PFKL: variants seen among roughly 807,000 people sequenced by gnomAD.
The protein encoded by PFKL is ATP-dependent 6-phosphofructokinase, liver type.
PFKL carries 74 observed loss-of-function variants against 92.1 expected under a neutral mutation model. That is an observed-to-expected ratio of 0.80 (90% CI 0.67 to 0.97). PFKL has a LOEUF of 0.97. PFKL is among the 50% of genes least tolerant of loss of function. PFKL has a pLI of 0.00. For synonymous variants in PFKL, 494 were observed against 456.4 expected (o/e 1.08, Z -1.05); for missense variants, 1,028 against 1,116.6 (o/e 0.92, Z 1.13).
Position 44,318,513 on chromosome 21 carries a change from CCACGCCTGA to C in PFKL, c.987_995del (p.Asp330_Pro332del), listed in dbSNP as rs1382960420. On this transcript the variant is annotated inframe_deletion, in exon 10 of 22. Coordinates refer to ENST00000349048, the MANE Select transcript of PFKL (RefSeq NM_002626.6). Reference sequence around the variant, plus strand: ...GAGGCGGTGATGGCGCTGCTGGAAGCCACGCCTGACACGCCGGCCTGCGTGGTCACCCTC... The same window carrying C: ...GAGGCGGTGATGGCGCTGCTGGAAGCCACGCCGGCCTGCGTGGTCACCCTC... The C allele has an allele frequency of 3.2e-6, 5 of 1,575,990 alleles. No individual in the cohort carries two copies. The highest frequency in any genetic ancestry group is 3.5e-6 in the Non-Finnish European group (4 of 1,155,720).
intron 9 of PFKL, among the ~76,000 whole-genome samples, chr21:44,317,140 G>A (rs1395130730): frequency 1.3e-5 from 2 of 152,232 alleles, no homozygotes; most frequent in East Asian, 3.9e-4. Context: ...GAGCCAAATG[G>A]AGTGGGTCTG....
At chr21:44,306,265 G>A (rs1291759928) in intron 1 of PFKL, among the ~76,000 whole-genome samples, 1 of 152,154 alleles carries the variant, frequency 6.6e-6, no homozygotes, top group Non-Finnish European at 1.5e-5. Context: ...TGTGGAGTTC[G>A]GGACACCCAC....
rs144111226 is a variant in PFKL at position 44,313,051 on chromosome 21, C to T, written c.501C>T (p.Asn167=). The T allele has an allele frequency of 1.5e-5, 25 of 1,613,092 alleles. 1 individual carries two copies. Among genetic ancestry groups the T allele is most frequent in the Middle Eastern group, 1.6e-4 (1 of 6,082 alleles). ...NIAGLVGSID[N]DFCGTDMTIG... is the part of the protein sequence containing the mutation. Reference sequence around the variant, plus strand: ...CGGGCCTAGTGGGCTCCATCGATAACGACTTCTGCGGCACCGACATGACCA... The same window carrying T: ...CGGGCCTAGTGGGCTCCATCGATAATGACTTCTGCGGCACCGACATGACCA... Residue 167 remains asparagine, a synonymous_variant, in exon 5 of 22, where the codon AAC becomes AAT. Coordinates refer to ENST00000349048, the MANE Select transcript of PFKL (RefSeq NM_002626.6).
rs1315811759 is a variant in PFKL, at chr21:44,316,181, G to T, written c.748-63G>T. On this transcript the variant is annotated intron_variant, in intron 7 of 21. Coordinates refer to ENST00000349048, the MANE Select transcript of PFKL (RefSeq NM_002626.6). ...CCCCAGGGAGGGCTCCTGGCACCCG[G>T]GGGCTGTGTCCGGGGCAGGTTTCCC... 4 of 1,508,612 alleles carry T rather than the reference G, an allele frequency of 2.7e-6. No homozygotes were observed. In the African/African-American group the frequency reaches 5.5e-5, roughly 21 times the overall value. The allele number at this position is 1,508,612 out of a possible 1,614,324, so 93.5% of individuals were successfully genotyped here. A position where few individuals can be genotyped will look rare whatever the true frequency, so the allele number is the denominator to read the frequency against.
Position 44,326,719 on chromosome 21 carries a change from C to T in PFKL, c.2200C>T (p.Arg734Cys), listed in dbSNP as rs1453469320. Residue 734 changes from arginine (R) to cysteine (C), a missense_variant, in exon 22 of 22, where the codon CGC becomes TGC. By Grantham distance (180) the Arg-to-Cys change is radical. Coordinates refer to ENST00000349048, the MANE Select transcript of PFKL (RefSeq NM_002626.6). ...TCCCATCCCCGTCCTGCACAGGCACCGCATGCCACGGGAGCAGTGGTGGCT... is the reference window on the plus strand; with the variant it reads ...TCCCATCCCCGTCCTGCACAGGCACTGCATGCCACGGGAGCAGTGGTGGCT... ...ELKKDTDFEH[R>C]MPREQWWLSL... 4 of 1,611,754 alleles carry T rather than the reference C, an allele frequency of 2.5e-6. No individual in the cohort carries two copies. Among genetic ancestry groups the T allele is most frequent in the South Asian group, 1.1e-5 (1 of 90,718 alleles).
intron 1 of PFKL, among the ~76,000 whole-genome samples, chr21:44,306,102 C>CCGCGCCG (rs1309292576): frequency 0.052 from 7,834 of 152,050 alleles, 744 homozygotes; most frequent in African/African-American, 0.18. Flanking sequence ...TTCTCCATCC[C>CCGCGCCG]CACGCCGCAG....
In PFKL at chr21:44,313,972, C is replaced by T. The variant is rs766416837; in HGVS notation, c.698C>T (p.Ala233Val). ...GCCGACTGGCTGTTCATCCCCGAGGCTCCACCCGAGGACGGCTGGGAGAAC... is the reference window on the plus strand; with the variant it reads ...GCCGACTGGCTGTTCATCCCCGAGGTTCCACCCGAGGACGGCTGGGAGAAC... ...SGADWLFIPE[A>V]PPEDGWENFM... Residue 233 changes from alanine to valine, a missense_variant, in exon 7 of 22, where the codon GCT becomes GTT. Ala to Val is a moderately conservative substitution (Grantham distance 64). Transcript: ENST00000349048. The T allele has an allele frequency of 3.1e-6, 5 of 1,608,472 alleles. No homozygotes were observed. The highest frequency in any genetic ancestry group is 4.5e-5 in the East Asian group (2 of 44,734).
At position 44,310,561 on chromosome 21, in the gene PFKL, G is replaced by A. The variant is rs986430586; in HGVS notation, c.160-445G>A. Among the ~76,000 whole-genome samples the A allele has an allele frequency of 9.2e-5, 14 of 152,318 alleles. No individual in the cohort carries two copies. The East Asian group carries it at 1.5e-3, about 17-fold the overall frequency. On this transcript the variant is annotated intron_variant, in intron 2 of 21. Coordinates refer to ENST00000349048, the MANE Select transcript of PFKL (RefSeq NM_002626.6). ...GCACGCGCCGCACACCCCGCCGGCC[G>A]CATGCCTGGGAGGACTCCAGTGGGG...
chr21:44,313,322 C>T (rs909950740), intron 5 of PFKL, among the ~76,000 whole-genome samples, 179 bp downstream of exon 5: 2 of 152,208 alleles, frequency 1.3e-5, no homozygotes, highest in South Asian at 2.1e-4. Context: ...CCCACTCTGC[C>T]AGGCCGCGGG....
chr21:44,309,028 T>G (rs1473080553), intron 2 of PFKL, among the ~76,000 whole-genome samples: 1 of 152,098 alleles, frequency 6.6e-6, no homozygotes, highest in African/African-American at 2.4e-5. Flanking sequence ...CCAGCAGCTA[T>G]GGGCTTTAGG....
At chr21:44,308,587 A>G in intron 2 of PFKL, among the ~76,000 whole-genome samples, 1 of 136,936 alleles carries the variant, frequency 7.3e-6, no homozygotes. Context: ...TTTGAGACAG[A>G]GTCTCATTCT....
At chr21:44,305,992 C>T (rs867500732) in intron 1 of PFKL, 67 of 1,212,822 alleles carry the variant, frequency 5.5e-5, no homozygotes, top group South Asian at 2.0e-4. Context: ...TGGCTGAGGC[C>T]GGAGGGGCTC....
chr21:44,312,936 C>T, intron 4 of PFKL, 42 bp from the exon 5 acceptor site: 1 of 1,602,826 alleles, frequency 6.2e-7, no homozygotes, highest in Non-Finnish European at 8.5e-7. Flanking sequence ...GTGGTGGGGC[C>T]AGTGGAGCCT....
chr21:44,317,816 C>T (rs2047249199), intron 9 of PFKL, among the ~76,000 whole-genome samples: 1 of 152,204 alleles, frequency 6.6e-6, no homozygotes, highest in Admixed American at 6.5e-5. Flanking sequence ...AGAGACTGCC[C>T]AGAATAAGGT....
In PFKL at chr21:44,311,001, T is replaced by A; in HGVS notation, c.160-5T>A. On this transcript the variant is annotated splice_region_variant and splice_polypyrimidine_tract_variant and intron_variant, in intron 2 of 21. Coordinates refer to ENST00000349048, the MANE Select transcript of PFKL (RefSeq NM_002626.6). ...ATCTCATGCCTGCCCCACTCTTGAT[T>A]TCAGGGCTATGAGGGCCTCGTGGAG... The A allele has an allele frequency of 6.2e-7, 1 of 1,611,576 alleles. No homozygotes were observed. Among genetic ancestry groups the A allele is most frequent in the Non-Finnish European group, 8.5e-7 (1 of 1,178,638 alleles).
At chr21:44,315,075 T>G (rs1310036110) in intron 7 of PFKL, 1 of 152,528 alleles carries the variant, frequency 6.6e-6, no homozygotes, top group Non-Finnish European at 1.5e-5. Flanking sequence ...CCTTCCCCAG[T>G]GGAGCCTAGG....
At chr21:44,306,331 A>G (rs899062076) in intron 1 of PFKL, among the ~76,000 whole-genome samples, 3 of 152,160 alleles carry the variant, frequency 2.0e-5, no homozygotes, top group Non-Finnish European at 2.9e-5. Context: ...TCTGGGCACC[A>G]TACTCCAGGT....
At chr21:44,305,177 G>T in intron 1 of PFKL, 1 of 1,150,146 alleles carries the variant, frequency 8.7e-7, no homozygotes, top group Non-Finnish European at 1.1e-6. Flanking sequence ...GATCTCATTG[G>T]ATTCCTGTAG....
intron 1 of PFKL, among the ~76,000 whole-genome samples, chr21:44,302,281 A>G (rs2040798894): frequency 2.0e-5 from 3 of 152,226 alleles, no homozygotes; most frequent in African/African-American, 7.2e-5. Context: ...GTGAGCTCCC[A>G]TGCGTGGACA....
Sources: gnomAD v4.1 joint callset for allele counts (sites outside exome capture counted in the v4.1 genomes callset) on GRCh38, gnomAD v4.1.1 for gene constraint, MANE v1.5 for transcripts, NCBI Gene and HGNC (gene_info 2026-07-23, HGNC 2026-07-21) for gene names.